Variants in NTNG1 observed in about 807,000 individuals in gnomAD.
NTNG1 encodes netrin G1, also known as netrin-G1.
NTNG1 carries 16 observed loss-of-function variants against 54.0 expected under a neutral mutation model. That is an observed-to-expected ratio of 0.30 (90% CI 0.20 to 0.45). The LOEUF (loss-of-function observed/expected upper bound fraction) is 0.45, where lower values mean the gene tolerates loss of function less well. Ranked by LOEUF, NTNG1 falls within the 20% of genes least tolerant of loss-of-function variation. The probability of loss-of-function intolerance (pLI) is 1.00; values close to 1 mark genes in which losing one functional copy is unlikely to be tolerated. For missense variants in NTNG1, 530 were observed against 678.7 expected (o/e 0.78, Z 2.43); for synonymous variants, 255 against 263.1 (o/e 0.97, Z 0.30).
rs1678902304 is a variant in NTNG1 at position 107,484,284 on chromosome 1, A to C, written c.*3444A>C. ...AATAAAGGGATGAGGGGTAGGAAGGAGATAGACAAGGGCTACCACGAGGCT... is the reference window on the plus strand; with the variant it reads ...AATAAAGGGATGAGGGGTAGGAAGGCGATAGACAAGGGCTACCACGAGGCT... On this transcript the variant is annotated 3_prime_UTR_variant, in exon 8 of 8. Transcript: ENST00000370068. Among the ~76,000 whole-genome samples, 1 of 152,210 alleles carries C rather than the reference A, an allele frequency of 6.6e-6. No homozygotes were observed. The highest frequency in any genetic ancestry group is 1.5e-5 in the Non-Finnish European group (1 of 68,046).
chr1:107,190,196 A>C (rs1657797216), intron 2 of NTNG1, among the ~76,000 whole-genome samples: 1 of 152,068 alleles, frequency 6.6e-6, no homozygotes, highest in Non-Finnish European at 1.5e-5. Flanking sequence ...ATGGGCACAG[A>C]GTTTCAGTTT....
chr1:107,372,530 T>C (rs1670985459), intron 3 of NTNG1, among the ~76,000 whole-genome samples: 1 of 152,104 alleles, frequency 6.6e-6, no homozygotes, highest in Non-Finnish European at 1.5e-5. Flanking sequence ...TCAGAGAACA[T>C]ACATTGTATA....
At chr1:107,349,223 A>G (rs1188883086) in intron 3 of NTNG1, among the ~76,000 whole-genome samples, 5 of 152,156 alleles carry the variant, frequency 3.3e-5, no homozygotes, top group Non-Finnish European at 7.3e-5. Context: ...TATCATACCA[A>G]AAGCCACTTC....
chr1:107,330,630 C>G (rs1668222907), intron 3 of NTNG1, among the ~76,000 whole-genome samples: 1 of 152,020 alleles, frequency 6.6e-6, no homozygotes. Context: ...CATGATTTAG[C>G]TAGTTATTTT....
intron 5 of NTNG1, among the ~76,000 whole-genome samples, chr1:107,421,634 G>A (rs1189239833): frequency 6.6e-6 from 1 of 152,030 alleles, no homozygotes; most frequent in Non-Finnish European, 1.5e-5. Flanking sequence ...GATCTGCACT[G>A]GATTAAGTGT....
chr1:107,214,779 T>A (rs1160825970), intron 2 of NTNG1, among the ~76,000 whole-genome samples: 1 of 119,302 alleles, frequency 8.4e-6, no homozygotes, highest in Non-Finnish European at 1.7e-5. Flanking sequence ...TTTCACCACA[T>A]CCATGCCATC....
chr1:107,226,751 A>G (rs1237939949), intron 2 of NTNG1, among the ~76,000 whole-genome samples: 1 of 152,110 alleles, frequency 6.6e-6, no homozygotes, highest in Admixed American at 6.6e-5. Context: ...TTGCTCATGT[A>G]CAGAGTCTCA....
chr1:107,412,020 T>C (rs1486494558), intron 5 of NTNG1, among the ~76,000 whole-genome samples: 1 of 152,210 alleles, frequency 6.6e-6, no homozygotes, highest in Non-Finnish European at 1.5e-5. Context: ...CCAATCTTTA[T>C]TGACAACAAT....
chr1:107,482,055 C>CAAAAAAAAAAAAAAAAAAAAAAAAA lies in NTNG1; in HGVS notation c.*1218_*1242dup, dbSNP rs71098633. The CAAAAAAAAAAAAAAAAAAAAAAAAA allele has an allele frequency of 4.4e-5, 5 of 114,468 alleles. No individual in the cohort carries two copies. Among genetic ancestry groups the CAAAAAAAAAAAAAAAAAAAAAAAAA allele is most frequent in the Non-Finnish European group, 7.2e-5 (4 of 55,494 alleles). The allele number at this position is 114,468 out of a possible 1,614,324, so 7.1% of individuals were successfully genotyped here. A position where few individuals can be genotyped will look rare whatever the true frequency, so the allele number is the denominator to read the frequency against. ...TTCCACTTGGGAAAAATTACAACAG[C>CAAAAAAAAAAAAAAAAAAAAAAAAA]AAAAAAAAAAAAAAAAAAAAAAAAA... On this transcript the variant is annotated 3_prime_UTR_variant, in exon 8 of 8. Coordinates refer to ENST00000370068, the MANE Select transcript of NTNG1 (RefSeq NM_001113226.3).
At chr1:107,141,277 C>T (rs1432449160) in intron 1 of NTNG1, 137 bp downstream of exon 1, 14 of 151,226 alleles carry the variant, frequency 9.3e-5, no homozygotes, top group South Asian at 2.1e-4. Context: ...CCCACCCCTC[C>T]CGCTCCGCCC....
At chr1:107,204,629 ATCAC>A (rs1295827039) in intron 2 of NTNG1, among the ~76,000 whole-genome samples, 1 of 152,184 alleles carries the variant, frequency 6.6e-6, no homozygotes, top group East Asian at 1.9e-4. Flanking sequence ...AAGCAGAAGA[ATCAC>A]TCAGCTGAAA....
chr1:107,325,581 G>T (rs943297691), intron 3 of NTNG1, among the ~76,000 whole-genome samples: 10 of 152,154 alleles, frequency 6.6e-5, no homozygotes, highest in Admixed American at 1.3e-4. Context: ...CACAGTCAGG[G>T]ATAGCTTTGG....
intron 2 of NTNG1, among the ~76,000 whole-genome samples, chr1:107,277,158 C>T (rs1210782924): frequency 6.6e-6 from 1 of 152,178 alleles, no homozygotes; most frequent in Non-Finnish European, 1.5e-5. Context: ...CCAGAGGGAG[C>T]TTTGTATCTC....
chr1:107,173,918 G>A (rs1656447886), intron 2 of NTNG1, among the ~76,000 whole-genome samples: 1 of 151,926 alleles, frequency 6.6e-6, no homozygotes, highest in Non-Finnish European at 1.5e-5. Context: ...ATTAATGAAA[G>A]TGTTACACTA....
intron 2 of NTNG1, among the ~76,000 whole-genome samples, chr1:107,214,675 A>C (rs1376031992): frequency 6.6e-6 from 1 of 152,162 alleles, no homozygotes; most frequent in African/African-American, 2.4e-5. Context: ...ATGAAATGGT[A>C]GATCTGTTTT....
intron 3 of NTNG1, among the ~76,000 whole-genome samples, chr1:107,378,874 C>T (rs1671472476): frequency 6.6e-6 from 1 of 152,194 alleles, no homozygotes; most frequent in Non-Finnish European, 1.5e-5. Context: ...TCCCCCCACA[C>T]ATGAAACAGA....
At chr1:107,258,874 T>C (rs977826805) in intron 2 of NTNG1, among the ~76,000 whole-genome samples, 7 of 152,206 alleles carry the variant, frequency 4.6e-5, no homozygotes, top group African/African-American at 1.7e-4. Context: ...TTTGTTGTTG[T>C]TGCTGTTGTT....
intron 7 of NTNG1, among the ~76,000 whole-genome samples, chr1:107,458,375 T>A (rs1677078490): frequency 1.3e-5 from 2 of 152,132 alleles, no homozygotes; most frequent in Non-Finnish European, 2.9e-5. Context: ...ATCTTAAAGT[T>A]CAAAAGGTAA....
intron 7 of NTNG1, among the ~76,000 whole-genome samples, chr1:107,438,534 G>A (rs1386649354): frequency 6.6e-6 from 1 of 152,132 alleles, no homozygotes; most frequent in Non-Finnish European, 1.5e-5. Context: ...GTCAGGAGAA[G>A]AGGAGAATAG....
Sources: allele counts gnomAD v4.1 joint callset (sites outside exome capture counted in the v4.1 genomes callset), GRCh38; gene constraint gnomAD v4.1.1; transcripts MANE v1.5; gene names NCBI Gene and HGNC (gene_info 2026-07-23, HGNC 2026-07-21).